Variants in CDH23 observed in about 807,000 individuals in gnomAD.
The protein encoded by CDH23 is cadherin related 23.
CDH23 carries 189 observed loss-of-function variants against 317.1 expected under a neutral mutation model. That is an observed-to-expected ratio of 0.60 (90% CI 0.53 to 0.67). The LOEUF is 0.67. CDH23 is among the 30% of genes least tolerant of loss of function. The pLI, the probability that CDH23 is intolerant of heterozygous loss-of-function variation, is 0.00. For synonymous variants in CDH23, 1,839 were observed against 1,876.8 expected (o/e 0.98, Z 0.52); for missense variants, 4,401 against 4,592.4 (o/e 0.96, Z 1.20).
chr10:71,717,028 C>T (rs1866286445), intron 28 of CDH23: 1 of 152,258 alleles, frequency 6.6e-6, no homozygotes, highest in Non-Finnish European at 1.5e-5. Flanking sequence ...CCCCACAGGC[C>T]CACCACACAC....
chr10:71,813,341 T>A lies in CDH23; in HGVS notation c.9731T>A (p.Ile3244Asn). The A allele has an allele frequency of 6.4e-7, 1 of 1,551,550 alleles. No individual in the cohort carries two copies. Among genetic ancestry groups the A allele is most frequent in the Non-Finnish European group, 8.7e-7 (1 of 1,146,924 alleles). The change falls in exon 69 of 70, where the codon ATC becomes AAC. Residue 3244 changes from isoleucine to asparagine, a missense_variant. Ile to Asn is a moderately radical substitution (Grantham distance 149, BLOSUM62 -3). Coordinates refer to ENST00000224721, the MANE Select transcript of CDH23 (RefSeq NM_022124.6). ...AAAGCCTCCTCCTGCCACTCCTCCA[T>A]CTCTGAGGTAGCCGGCTGGGTGGCT... Reference protein sequence around the residue: ...VQKASSCHSSISELIQTELDE... With the variant: ...VQKASSCHSSNSELIQTELDE...
chr10:71,585,013 C>T (rs950901686), intron 9 of CDH23, among the ~76,000 whole-genome samples: 5 of 151,978 alleles, frequency 3.3e-5, no homozygotes, highest in Admixed American at 3.3e-4. Flanking sequence ...GGGAAGTGAA[C>T]GCGGGGTCAC....
At chr10:71,475,846 G>A (rs1459837070) in intron 3 of CDH23, among the ~76,000 whole-genome samples, 1 of 152,244 alleles carries the variant, frequency 6.6e-6, no homozygotes, top group East Asian at 1.9e-4. Context: ...AAGCCTGCAG[G>A]CAGGTGGGAA....
In CDH23 at chr10:71,751,861, G is replaced by A. The variant is rs1395686643; in HGVS notation, c.4845+9940G>A. 6.5e-7 allele frequency: 1 copy of A among 1,545,048 alleles called. No individual in the cohort carries two copies. Among genetic ancestry groups the A allele is most frequent in the Admixed American group, 2.0e-5 (1 of 50,382 alleles). On this transcript the variant is annotated intron_variant, in intron 38 of 69. Coordinates refer to ENST00000224721, the MANE Select transcript of CDH23 (RefSeq NM_022124.6). This position sits in a 1 kb window ranked among gnomAD's most constrained non-coding sequence, Gnocchi z 4.9. ...CGGGGTTTTCAATCCCTTGAATGTT[G>A]CTGCCACAGAACCAGAATGGAAGGT...
intron 18 of CDH23, among the ~76,000 whole-genome samples, chr10:71,686,228 C>T (rs544786545): frequency 6.6e-6 from 1 of 152,074 alleles, no homozygotes; most frequent in Non-Finnish European, 1.5e-5. Flanking sequence ...CTGTCACTGA[C>T]ATTCTCCACA....
Position 71,746,350 on chromosome 10 carries a change from C to T in CDH23, c.4845+4429C>T, listed in dbSNP as rs182443873. On this transcript the variant is annotated intron_variant, in intron 38 of 69. Coordinates refer to ENST00000224721, the MANE Select transcript of CDH23 (RefSeq NM_022124.6). ...GCTCTACTTTTCTCCCTGAGACCCT[C>T]GTCCCCCCAGGTTCCTGAGAGCTGG... 6.2e-3 allele frequency among the ~76,000 whole-genome samples: 950 copies of T among 152,216 alleles called. 3 individuals are homozygous for T. The highest frequency in any genetic ancestry group is 0.022 in the African/African-American group (901 of 41,458).
At chr10:71,582,765 G>A (rs1444252621) in intron 9 of CDH23, among the ~76,000 whole-genome samples, 1 of 152,188 alleles carries the variant, frequency 6.6e-6, no homozygotes, top group African/African-American at 2.4e-5. Context: ...TTGACCGAGG[G>A]CCTTCCCTGG....
In CDH23 at chr10:71,696,107, C is replaced by T. The variant is rs61572878; in HGVS notation, c.2397+582C>T. Reference sequence around the variant, plus strand: ...CAATTCAGGGTGCAGAGGGGAGACACGGTCAAAGCCAGGGCATCTCCAGCG... The same window carrying T: ...CAATTCAGGGTGCAGAGGGGAGACATGGTCAAAGCCAGGGCATCTCCAGCG... On this transcript the variant is annotated intron_variant, in intron 22 of 69. Transcript: ENST00000224721. 9.8e-5 allele frequency among the ~76,000 whole-genome samples: 15 copies of T among 152,316 alleles called. No homozygotes were observed. In the East Asian group the frequency reaches 1.5e-3, roughly 16 times the overall value.
At chr10:71,810,293 C>A (rs1841877677) in intron 61 of CDH23, among the ~76,000 whole-genome samples, 179 bp from the exon 62 acceptor site, 1 of 152,182 alleles carries the variant, frequency 6.6e-6, no homozygotes, top group Admixed American at 6.5e-5. Flanking sequence ...ATAAATAGTA[C>A]CTGGCCAAGT....
chr10:71,706,892 C>T lies in CDH23; in HGVS notation c.2954-5C>T, dbSNP rs373429697. ...CCTAGCCCCGGCGCCCGTTCTGCCC[C>T]GCAGTGCTGGATGTGAACGACGAGA... On this transcript the variant is annotated splice_region_variant and splice_polypyrimidine_tract_variant and intron_variant, in intron 25 of 69. Coordinates refer to ENST00000224721, the MANE Select transcript of CDH23 (RefSeq NM_022124.6). 9 of 1,593,918 alleles carry T rather than the reference C, an allele frequency of 5.6e-6. No individual in the cohort carries two copies. The highest frequency in any genetic ancestry group is 1.7e-4 in the Middle Eastern group (1 of 6,012).
At chr10:71,795,857 T>C in intron 48 of CDH23, 3 of 987,232 alleles carry the variant, frequency 3.0e-6, no homozygotes, top group Non-Finnish European at 3.6e-6. Flanking sequence ...TCTGTTTCTC[T>C]GTCACTTCCC....
intron 8 of CDH23, among the ~76,000 whole-genome samples, chr10:71,575,076 G>C (rs1858093124): frequency 6.6e-6 from 1 of 152,204 alleles, no homozygotes; most frequent in African/African-American, 2.4e-5. Context: ...GCCCCACACA[G>C]TGGAACATCG....
At chr10:71,623,012 A>G (rs904999648) in intron 11 of CDH23, 9 of 944,688 alleles carry the variant, frequency 9.5e-6, no homozygotes, top group Admixed American at 6.2e-5. Flanking sequence ...AATTCAAGCA[A>G]CAAGTGTTAT....
chr10:71,621,811 A>G (rs1861478722), intron 11 of CDH23, among the ~76,000 whole-genome samples: 2 of 152,164 alleles, frequency 1.3e-5, no homozygotes. Context: ...TCACAACAAC[A>G]AAGGTGCTTG....
In CDH23 at chr10:71,740,799, T is replaced by G. The variant is rs371861434; in HGVS notation, c.4489-23T>G. On this transcript the variant is annotated intron_variant, in intron 36 of 69. Coordinates refer to ENST00000224721, the MANE Select transcript of CDH23 (RefSeq NM_022124.6). ...CTGCCCGCCACGCTTTAGCCCTGAC[T>G]CCAGTTGCCCTCCTCCTTGCAGGTT... The G allele has an allele frequency of 2.0e-4, 319 of 1,613,526 alleles. 2 individuals are homozygous for G. The African/African-American group carries it at 3.8e-3, about 19-fold the overall frequency.
chr10:71,428,143 T>C (rs113938746), intron 1 of CDH23, among the ~76,000 whole-genome samples: 373 of 55,776 alleles, frequency 6.7e-3, no homozygotes, highest in Middle Eastern at 0.015. Context: ...TTCTTTCTTT[T>C]TTTTTTTTTT....
intron 1 of CDH23, among the ~76,000 whole-genome samples, chr10:71,405,319 A>G (rs1005733656): frequency 2.6e-5 from 4 of 151,972 alleles, no homozygotes; most frequent in Admixed American, 6.6e-5. Context: ...AGCCAGGATC[A>G]CTGATGTCAT....
At chr10:71,419,943 A>C (rs548843781) in intron 1 of CDH23, among the ~76,000 whole-genome samples, 1 of 152,308 alleles carries the variant, frequency 6.6e-6, no homozygotes, top group Admixed American at 6.5e-5. Context: ...GAGGCTGAGC[A>C]TGTCTCTCAC....
chr10:71,613,140 C>T (rs762458347), intron 9 of CDH23, among the ~76,000 whole-genome samples: 3 of 152,202 alleles, frequency 2.0e-5, no homozygotes, highest in Admixed American at 6.5e-5. Flanking sequence ...TGAGCCACCG[C>T]GCCCAGCCTG....
Sources: allele counts gnomAD v4.1 joint callset (sites outside exome capture counted in the v4.1 genomes callset), GRCh38; gene constraint gnomAD v4.1.1; non-coding constraint Gnocchi (gnomAD v3.1); transcripts MANE v1.5; gene names NCBI Gene and HGNC (gene_info 2026-07-23, HGNC 2026-07-21).